The following PLAAT2 variants were observed in gnomAD, a reference collection of about 807,000 sequenced individuals.
The protein encoded by PLAAT2 is HRAS like suppressor 2.
Under a neutral mutation model 12.8 loss-of-function variants are expected in PLAAT2, and 12 were observed. That is an observed-to-expected ratio of 0.94 (90% CI 0.60 to 1.52). The LOEUF is 1.52. Ranked by LOEUF, PLAAT2 falls within the 40% of genes most tolerant of loss-of-function variation. PLAAT2 has a pLI of 0.00. For synonymous variants in PLAAT2, 79 were observed against 86.8 expected, an observed-to-expected ratio of 0.91 and a Z score of 0.50; for missense variants, 166 against 208.1, an observed-to-expected ratio of 0.80 and a Z score of 1.24.
chr11:63,559,973 T>C, intron 2 of PLAAT2, 112 bp downstream of exon 2: 1 of 662,314 alleles, frequency 1.5e-6, no homozygotes, highest in Admixed American at 2.5e-5. Context: ...TTCAGCATTA[T>C]GTATTGAGTG....
chr11:63,563,249 C>T (rs2017534119), intron 1 of PLAAT2, 67 bp downstream of exon 1: 1 of 1,589,938 alleles, frequency 6.3e-7, no homozygotes, highest in African/African-American at 1.3e-5. Flanking sequence ...CAAGAATACA[C>T]ATAATCATCA....
intron 2 of PLAAT2, 30 bp downstream of exon 2, chr11:63,560,055 C>T (rs749270044): frequency 1.4e-6 from 2 of 1,455,814 alleles, no homozygotes; most frequent in African/African-American, 2.8e-5. Context: ...GATCTTAACC[C>T]TTGTGCTTAA....
chr11:63,553,067 T>A lies in PLAAT2; in HGVS notation c.388-2A>T. The A allele has an allele frequency of 6.2e-7, 1 of 1,607,098 alleles. No individual in the cohort carries two copies. The highest frequency in any genetic ancestry group is 8.5e-7 in the Non-Finnish European group (1 of 1,174,544). Reference sequence around the variant, plus strand: ...TACTGTCGTGACTGCACCAGTGACCTGCAGCAGAAGAGAAGGGAGAGCACA... The same window carrying A: ...TACTGTCGTGACTGCACCAGTGACCAGCAGCAGAAGAGAAGGGAGAGCACA... On this transcript the variant is annotated splice_acceptor_variant, in intron 3 of 3. Transcript: ENST00000255695. LOFTEE classifies it high-confidence loss of function.
rs774053135 is a variant in PLAAT2, at chr11:63,560,165, AG to A, written c.37del (p.Leu13Ter). 1.2e-6 allele frequency: 2 copies of A among 1,613,664 alleles called. No homozygotes were observed. The highest frequency in any genetic ancestry group is 2.7e-5 in the African/African-American group (2 of 75,030). On this transcript the variant is annotated frameshift_variant, in exon 2 of 4. Coordinates refer to ENST00000255695, the MANE Select transcript of PLAAT2 (RefSeq NM_017878.2). LOFTEE classifies it high-confidence loss of function. ...LARPRPRLGD[L>X]IEISRFGYAH... ...ATAGCCAAAGCGAGAAATCTCAATC[AG>A]GTCTCCAAGTCTCGGTCTTGGTCTG...
rs1404582522 is a variant in PLAAT2, at chr11:63,560,113, A to G, written c.90T>C (p.Asp30=). 5.6e-6 allele frequency: 9 copies of G among 1,613,292 alleles called. No homozygotes were observed. The highest frequency in any genetic ancestry group is 1.3e-5 in the African/African-American group (1 of 74,886). ...CCGGAGCCAGATGGACCACATAGCC[A>G]TCTCCCACGTAGATGGCCCAGTGTG... ...GYAHWAIYVG[D]GYVVHLAPAS... is the part of the protein sequence containing the mutation. Residue 30 remains aspartate, a synonymous_variant, in exon 2 of 4, where the codon GAT becomes GAC. Transcript: ENST00000255695.
At chr11:63,555,373 A>T (rs1041216976) in intron 3 of PLAAT2, among the ~76,000 whole-genome samples, 1 of 152,248 alleles carries the variant, frequency 6.6e-6, no homozygotes, top group Non-Finnish European at 1.5e-5. Flanking sequence ...TTTAAAATAC[A>T]GTATAACTAC....
intron 1 of PLAAT2, 81 bp from the exon 2 acceptor site, chr11:63,560,274 G>A: frequency 2.0e-6 from 2 of 979,926 alleles, no homozygotes; most frequent in Non-Finnish European, 3.2e-6. Flanking sequence ...AGGAGCCCCA[G>A]CTCAGCCTGC....
chr11:63,554,014 A>G (rs1565239044), intron 3 of PLAAT2, among the ~76,000 whole-genome samples: 1 of 151,914 alleles, frequency 6.6e-6, no homozygotes, highest in African/African-American at 2.4e-5. Flanking sequence ...TGAAAAAACC[A>G]CAGAGATGTG....
intron 1 of PLAAT2, among the ~76,000 whole-genome samples, chr11:63,560,529 G>C (rs944648357): frequency 5.9e-5 from 9 of 152,236 alleles, no homozygotes; most frequent in African/African-American, 2.4e-5. Flanking sequence ...TTGTCAGCTA[G>C]TGACTGCATG....
chr11:63,563,515 G>A (rs1233039431), upstream of PLAAT2: 25 of 599,732 alleles, frequency 4.2e-5, no homozygotes, highest in Non-Finnish European at 5.6e-5. Flanking sequence ...TCAGGAGATC[G>A]AGACCATCCT....
chr11:63,559,530 T>C (rs1220286423), intron 2 of PLAAT2, among the ~76,000 whole-genome samples: 1 of 128,674 alleles, frequency 7.8e-6, no homozygotes, highest in East Asian at 4.0e-4. Context: ...ATTTTCAAAT[T>C]AGAGGAACTA....
At chr11:63,556,178 G>A (rs976808574) in intron 3 of PLAAT2, among the ~76,000 whole-genome samples, 1 of 152,108 alleles carries the variant, frequency 6.6e-6, no homozygotes, top group Admixed American at 6.5e-5. Flanking sequence ...ACAGACAGAG[G>A]AGAGTCTTTC....
Sources: gnomAD v4.1 joint callset for allele counts (sites outside exome capture counted in the v4.1 genomes callset) on GRCh38, gnomAD v4.1.1 for gene constraint, MANE v1.5 for transcripts, NCBI Gene and HGNC (gene_info 2026-07-23, HGNC 2026-07-21) for gene names.